LDB2: variants seen among roughly 807,000 people sequenced by gnomAD.
The protein encoded by LDB2 is LIM domain binding 2, also known as LIM domain-binding protein 2.
A neutral mutation model predicts 44.3 loss-of-function variants in LDB2; 12 were observed. The observed-to-expected ratio is 0.27, with a 90% CI of 0.17 to 0.44. The LOEUF (loss-of-function observed/expected upper bound fraction) is 0.44. LDB2 is among the 20% of genes least tolerant of loss of function. The pLI is 1.00. For synonymous variants in LDB2, 164 were observed against 174.8 expected (o/e 0.94, Z 0.49); for missense variants, 344 against 473.5 (o/e 0.73, Z 2.54).
At chr4:16,563,605 C>T (rs917711764) in intron 5 of LDB2, among the ~76,000 whole-genome samples, 6 of 150,262 alleles carry the variant, frequency 4.0e-5, no homozygotes, top group South Asian at 2.1e-4. Flanking sequence ...CCCACCACCA[C>T]GCCTGGCTAA....
chr4:16,727,631 T>C (rs1469537397), intron 2 of LDB2, among the ~76,000 whole-genome samples: 2 of 152,232 alleles, frequency 1.3e-5, no homozygotes, highest in Non-Finnish European at 2.9e-5. Context: ...AGGTACTTTA[T>C]AGCTACTTCT....
chr4:16,603,635 CTTT>C (rs1288126014), intron 2 of LDB2, among the ~76,000 whole-genome samples: 3 of 152,074 alleles, frequency 2.0e-5, no homozygotes, highest in Non-Finnish European at 4.4e-5. Context: ...CTGTATTACT[CTTT>C]TATGTCAGCA....
In LDB2 at chr4:16,661,321, T is replaced by C. The variant is rs987514056; in HGVS notation, c.236-65446A>G. On this transcript the variant is annotated intron_variant, in intron 2 of 7. Coordinates refer to ENST00000304523, the MANE Select transcript of LDB2 (RefSeq NM_001290.5). ...TGCCAAGTACTATTACTTTGGCCCA[T>C]GGCTTTCAACTTCAGAAATACAGCA... 3.3e-5 allele frequency among the ~76,000 whole-genome samples: 5 copies of C among 152,194 alleles called. No individual in the cohort carries two copies. The South Asian group carries it at 6.2e-4, about 19-fold the overall frequency.
chr4:16,846,540 G>A (rs1389781357), intron 1 of LDB2, among the ~76,000 whole-genome samples: 1 of 152,164 alleles, frequency 6.6e-6, no homozygotes, highest in East Asian at 1.9e-4. Context: ...TTTGAAGGAT[G>A]TTTTGTTACC....
intron 1 of LDB2, among the ~76,000 whole-genome samples, chr4:16,810,917 C>A (rs1779728712): frequency 6.6e-6 from 1 of 152,094 alleles, no homozygotes; most frequent in Non-Finnish European, 1.5e-5. Flanking sequence ...TTTTTGGCAC[C>A]AGGGACAGGT....
At chr4:16,870,629 T>G (rs1447445385) in intron 1 of LDB2, among the ~76,000 whole-genome samples, 1 of 151,628 alleles carries the variant, frequency 6.6e-6, no homozygotes, top group Admixed American at 6.6e-5. Context: ...TGCATTCTCT[T>G]TATTTATTTA....
At chr4:16,858,203 G>A (rs1016704511) in intron 1 of LDB2, among the ~76,000 whole-genome samples, 1 of 152,206 alleles carries the variant, frequency 6.6e-6, no homozygotes, top group Non-Finnish European at 1.5e-5. Context: ...CTGAGGCATA[G>A]AAAGGATGAG....
chr4:16,633,353 G>A (rs1191283554), intron 2 of LDB2, among the ~76,000 whole-genome samples: 1 of 152,032 alleles, frequency 6.6e-6, no homozygotes, highest in Non-Finnish European at 1.5e-5. Flanking sequence ...GAGTTAATGG[G>A]TGCAGCACAC....
intron 1 of LDB2, among the ~76,000 whole-genome samples, chr4:16,844,088 A>AG (rs1491457953): frequency 5.2e-5 from 1 of 19,220 alleles, no homozygotes; most frequent in African/African-American, 1.5e-4. Flanking sequence ...CCCCATCTCT[A>AG]AAAAAAAAAA....
chr4:16,539,350 A>G (rs1304700312), intron 5 of LDB2, among the ~76,000 whole-genome samples: 1 of 152,186 alleles, frequency 6.6e-6, no homozygotes, highest in African/African-American at 2.4e-5. Context: ...AATCATCAAA[A>G]ATTCAGCAAG....
At chr4:16,646,707 G>T (rs185870084) in intron 2 of LDB2, among the ~76,000 whole-genome samples, 144 of 152,266 alleles carry the variant, frequency 9.5e-4, no homozygotes, top group Non-Finnish European at 2.6e-4. Context: ...CTGAGATTTG[G>T]TGCTTTTTAT....
intron 1 of LDB2, among the ~76,000 whole-genome samples, chr4:16,760,149 A>G (rs1767582793): frequency 6.6e-6 from 1 of 152,144 alleles, no homozygotes. Context: ...CTTAAGCACC[A>G]TGTTTTTCCA....
chr4:16,532,725 T>C (rs1322444928), intron 5 of LDB2, among the ~76,000 whole-genome samples: 4 of 152,192 alleles, frequency 2.6e-5, no homozygotes, highest in Non-Finnish European at 2.9e-5. Flanking sequence ...CCATGACACC[T>C]TGCTCCGAAT....
At chr4:16,695,844 C>T (rs1399538919) in intron 2 of LDB2, among the ~76,000 whole-genome samples, 2 of 152,014 alleles carry the variant, frequency 1.3e-5, no homozygotes, top group Admixed American at 1.3e-4. Context: ...TTTGAAACAT[C>T]TAAAATGTAA....
intron 2 of LDB2, among the ~76,000 whole-genome samples, chr4:16,694,553 C>T (rs1015077303): frequency 2.0e-5 from 3 of 152,208 alleles, no homozygotes; most frequent in African/African-American, 7.2e-5. Flanking sequence ...GAATGTCTAC[C>T]GAGGTGGCTC....
Position 16,641,322 on chromosome 4 carries a change from C to A in LDB2, c.236-45447G>T, listed in dbSNP as rs529007218. On this transcript the variant is annotated intron_variant, in intron 2 of 7. Transcript: ENST00000304523. ...ACCTATGTGGAAAACAAGGCATGTT[C>A]AATGAGAAAGAAAGCAAAGGGGAAG... Among the ~76,000 whole-genome samples, 16 of 152,200 alleles carry A rather than the reference C, an allele frequency of 1.1e-4. No individual in the cohort carries two copies. The South Asian group carries it at 3.1e-3, about 30-fold the overall frequency.
chr4:16,884,831 G>A (rs571306725), intron 1 of LDB2, among the ~76,000 whole-genome samples: 1 of 152,166 alleles, frequency 6.6e-6, no homozygotes, highest in Non-Finnish European at 1.5e-5. Flanking sequence ...TCTATCTTAT[G>A]AGAACCCAAA....
At chr4:16,567,380 GTGTGCGCGTGTGTGCA>G (rs921104241) in intron 5 of LDB2, among the ~76,000 whole-genome samples, 1 of 59,538 alleles carries the variant, frequency 1.7e-5, no homozygotes, top group South Asian at 4.2e-4. Context: ...GTGTGTGTGT[GTGTGCGCGTGTGTGCA>G]TGCGTGTGTG....
intron 1 of LDB2, among the ~76,000 whole-genome samples, chr4:16,880,409 C>A (rs546929683): frequency 2.6e-5 from 4 of 152,142 alleles, no homozygotes; most frequent in Non-Finnish European, 5.9e-5. Flanking sequence ...GACCAGGAAG[C>A]TTTTCATTTT....
Sources: allele counts gnomAD v4.1 joint callset (sites outside exome capture counted in the v4.1 genomes callset), GRCh38; gene constraint gnomAD v4.1.1; transcripts MANE v1.5; gene names NCBI Gene and HGNC (gene_info 2026-07-23, HGNC 2026-07-21).